Variants in GNB4 observed in about 807,000 individuals in gnomAD.
GNB4 encodes the protein G protein subunit beta 4, also known as guanine nucleotide-binding protein subunit beta-4.
In GNB4, 28 loss-of-function variants were observed where a neutral mutation model predicts 45.2. The ratio of observed to expected loss-of-function variants is 0.62; its 90% CI spans 0.46 to 0.85. The LOEUF is 0.85. Ranked by LOEUF, GNB4 falls within the 40% of genes least tolerant of loss-of-function variation. The pLI is 0.00. For synonymous variants in GNB4, 132 were observed against 143.7 expected, an observed-to-expected ratio of 0.92 and a Z score of 0.58; for missense variants, 321 against 425.4, an observed-to-expected ratio of 0.75 and a Z score of 2.16.
the GNB4 span, among the ~76,000 whole-genome samples, chr3:179,459,083 AG>A: frequency 6.6e-6 from 1 of 152,230 alleles, no homozygotes; most frequent in African/African-American, 2.4e-5. Flanking sequence ...GGGGAGATTT[AG>A]GCTCAGAGAA....
chr3:179,527,306 A>G, the GNB4 span, among the ~76,000 whole-genome samples: 34 of 152,346 alleles, frequency 2.2e-4, no homozygotes, highest in African/African-American at 8.2e-4. Flanking sequence ...TGCTGAGTGC[A>G]GACAGAGTGA....
At position 179,401,337 on chromosome 3, in the gene GNB4, T is replaced by TA. The variant is rs1234508973; in HGVS notation, c.917-19dup. 6.3e-7 allele frequency: 1 copy of TA among 1,581,220 alleles called. No individual in the cohort carries two copies. The highest frequency in any genetic ancestry group is 2.2e-5 in the East Asian group (1 of 44,524). On this transcript the variant is annotated intron_variant, in intron 9 of 9. Coordinates refer to ENST00000232564, the MANE Select transcript of GNB4 (RefSeq NM_021629.4). ...AAGGACACCTGAAAAAAAAATTCAG[T>TA]AAAAAATTGGCAATTGTAGGGTTTT...
chr3:179,417,999 T>C (rs2108594282), intron 4 of GNB4, among the ~76,000 whole-genome samples: 2 of 152,268 alleles, frequency 1.3e-5, no homozygotes, highest in South Asian at 4.1e-4. Context: ...GGGAAGACTA[T>C]GTGAGATAGG....
At chr3:179,429,449 G>A (rs550713051) in intron 1 of GNB4, among the ~76,000 whole-genome samples, 6 of 152,110 alleles carry the variant, frequency 3.9e-5, no homozygotes, top group South Asian at 2.1e-4. Flanking sequence ...TCATTTATTC[G>A]CTTGTAAGTA....
the GNB4 span, among the ~76,000 whole-genome samples, chr3:179,513,473 T>C: frequency 6.6e-6 from 1 of 152,202 alleles, no homozygotes; most frequent in African/African-American, 2.4e-5. Context: ...CATGAGCCAC[T>C]GCATCTGGCC....
chr3:179,514,041 G>C, the GNB4 span, among the ~76,000 whole-genome samples: 1 of 152,298 alleles, frequency 6.6e-6, no homozygotes, highest in South Asian at 2.1e-4. Flanking sequence ...GGATTACAGT[G>C]ATGACAAGGA....
intron 6 of GNB4, among the ~76,000 whole-genome samples, chr3:179,414,286 C>T (rs1269756908): frequency 6.6e-6 from 1 of 152,016 alleles, no homozygotes; most frequent in Non-Finnish European, 1.5e-5. Flanking sequence ...AAAGATGTGG[C>T]ATTTGAATGC....
chr3:179,407,650 A>G (rs1371322912), intron 8 of GNB4, among the ~76,000 whole-genome samples: 1 of 152,192 alleles, frequency 6.6e-6, no homozygotes, highest in East Asian at 1.9e-4. Flanking sequence ...TAGAGTTCAC[A>G]GAGAGTGTCA....
the GNB4 span, among the ~76,000 whole-genome samples, chr3:179,501,745 G>C: frequency 6.6e-6 from 1 of 152,104 alleles, no homozygotes; most frequent in Admixed American, 6.5e-5. Context: ...AATATCTCAG[G>C]TCAAAAACTT....
the GNB4 span, among the ~76,000 whole-genome samples, chr3:179,516,822 C>A: frequency 6.6e-6 from 1 of 152,092 alleles, no homozygotes; most frequent in African/African-American, 2.4e-5. Flanking sequence ...GAAAAACTGG[C>A]TGTGAGGGAC....
the GNB4 span, among the ~76,000 whole-genome samples, chr3:179,462,697 G>A: frequency 6.6e-6 from 1 of 152,072 alleles, no homozygotes; most frequent in Non-Finnish European, 1.5e-5. Flanking sequence ...AATTAGCTGG[G>A]TGTGGTGGCG....
At chr3:179,418,942 T>C (rs566732671) in intron 4 of GNB4, among the ~76,000 whole-genome samples, 2 of 152,380 alleles carry the variant, frequency 1.3e-5, no homozygotes, top group Admixed American at 1.3e-4. Context: ...CTTTCTGTGA[T>C]GCAGTCGAGG....
At chr3:179,416,626 C>A in intron 4 of GNB4, 70 bp from the exon 5 acceptor site, 2 of 845,926 alleles carry the variant, frequency 2.4e-6, no homozygotes, top group Non-Finnish European at 3.8e-6. Flanking sequence ...TTATGCATTG[C>A]ATTAATGTAG....
chr3:179,421,547 G>A (rs1331917588), intron 2 of GNB4, among the ~76,000 whole-genome samples: 1 of 152,154 alleles, frequency 6.6e-6, no homozygotes, highest in African/African-American at 2.4e-5. Context: ...AAAGGTTATA[G>A]TAGTATCCTC....
the GNB4 span, among the ~76,000 whole-genome samples, chr3:179,470,179 T>C: frequency 6.6e-6 from 1 of 152,246 alleles, no homozygotes; most frequent in South Asian, 2.1e-4. Flanking sequence ...ATATATTTGC[T>C]ACACTATACT....
chr3:179,433,079 T>C (rs1715351001), intron 1 of GNB4, among the ~76,000 whole-genome samples: 1 of 152,134 alleles, frequency 6.6e-6, no homozygotes, highest in Non-Finnish European at 1.5e-5. Flanking sequence ...AAAAAAATCA[T>C]TTCTCACTGA....
At chr3:179,494,114 C>T in the GNB4 span, among the ~76,000 whole-genome samples, 1 of 152,308 alleles carries the variant, frequency 6.6e-6, no homozygotes, top group Non-Finnish European at 1.5e-5. Context: ...ACCCACCTAG[C>T]TCATAACCAA....
the GNB4 span, among the ~76,000 whole-genome samples, chr3:179,468,565 T>G: frequency 1.3e-5 from 2 of 150,648 alleles, no homozygotes; most frequent in Non-Finnish European, 2.9e-5. Flanking sequence ...ATGATGGGAG[T>G]GGGTAGTCGG....
rs1715551096 is a variant in GNB4 at position 179,439,714 on chromosome 3, TCAGA to T, written c.-43+11628_-43+11631del. On this transcript the variant is annotated intron_variant, in intron 1 of 9. Coordinates refer to ENST00000232564, the MANE Select transcript of GNB4 (RefSeq NM_021629.4). Reference sequence around the variant, plus strand: ...TATGTAAAAATACAGATTCGCTGATTCAGACAAAGGCATGAATGTTTTCCCCTAC... The same window carrying T: ...TATGTAAAAATACAGATTCGCTGATTCAAAGGCATGAATGTTTTCCCCTAC... Among the ~76,000 whole-genome samples the T allele has an allele frequency of 2.0e-5, 3 of 151,198 alleles. No homozygotes were observed. The South Asian group carries it at 6.2e-4, about 31-fold the overall frequency.
Sources: gnomAD v4.1 joint callset for allele counts (sites outside exome capture counted in the v4.1 genomes callset) on GRCh38, gnomAD v4.1.1 for gene constraint, MANE v1.5 for transcripts, NCBI Gene and HGNC (gene_info 2026-07-23, HGNC 2026-07-21) for gene names.